SIK3: variants seen among roughly 807,000 people sequenced by gnomAD.
SIK3 encodes SIK family kinase 3.
SIK3 carries 28 observed loss-of-function variants against 144.2 expected under a neutral mutation model. The ratio of observed to expected loss-of-function variants is 0.19; its 90% CI spans 0.14 to 0.27. The LOEUF is 0.27. Among genes scored for constraint, SIK3 ranks in the 10% least tolerant of loss-of-function variants. SIK3 has a pLI of 1.00. For synonymous variants in SIK3, 686 were observed against 676.3 expected (o/e 1.01, Z -0.22); for missense variants, 1,319 against 1,776.0 (o/e 0.74, Z 4.62).
intron 1 of SIK3, among the ~76,000 whole-genome samples, chr11:117,048,656 CA>C (rs941461574): frequency 4.8e-5 from 7 of 147,046 alleles, no homozygotes; most frequent in African/African-American, 1.5e-4. Flanking sequence ...AACTCCGTCT[CA>C]AAAAAAAAAC....
At chr11:116,930,255 C>G (rs1290182551) in intron 3 of SIK3, among the ~76,000 whole-genome samples, 4 of 152,132 alleles carry the variant, frequency 2.6e-5, no homozygotes, top group Non-Finnish European at 4.4e-5. Context: ...TCTTATCCCC[C>G]CAACCCCTAC....
In SIK3 at chr11:116,844,151, C is replaced by T. The variant is rs558539235; in HGVS notation, c.*1492G>A. On this transcript the variant is annotated 3_prime_UTR_variant, in exon 25 of 25. Transcript: ENST00000445177. ...GATAACCCAGACCCTCTCTCAGCCCCAGCCAGCAGAGAAGACTTTGGTTTC... is the reference window on the plus strand; with the variant it reads ...GATAACCCAGACCCTCTCTCAGCCCTAGCCAGCAGAGAAGACTTTGGTTTC... 1 of 152,292 alleles carries T rather than the reference C, an allele frequency of 6.6e-6. No individual in the cohort carries two copies. The highest frequency in any genetic ancestry group is 2.1e-4 in the South Asian group (1 of 4,820). 9.4% of individuals were successfully genotyped at this position (152,292 alleles called of 1,614,324 possible). A position where few individuals can be genotyped will look rare whatever the true frequency, so the allele number is the denominator to read the frequency against.
At chr11:117,070,929 T>G (rs1018295247) in intron 1 of SIK3, among the ~76,000 whole-genome samples, 2 of 151,400 alleles carry the variant, frequency 1.3e-5, no homozygotes, top group Admixed American at 1.3e-4. Context: ...ACTTTTTGTC[T>G]TTTTAGTAGA....
intron 3 of SIK3, among the ~76,000 whole-genome samples, chr11:116,942,335 T>C (rs941006293): frequency 6.6e-6 from 1 of 152,228 alleles, no homozygotes; most frequent in Non-Finnish European, 1.5e-5. Context: ...TCACTTAGTA[T>C]TTTATTCAAC....
Position 116,927,457 on chromosome 11 carries a change from A to T in SIK3, c.455-77T>A. ...TCAAAAGGTAGACTTAAGGAGGGCT[A>T]CAAGGGGCCCTCTCGAGTGAGTTAA... On this transcript the variant is annotated intron_variant, in intron 3 of 24. Coordinates refer to ENST00000445177, the MANE Select transcript of SIK3 (RefSeq NM_001366686.3). 4.9e-6 allele frequency: 7 copies of T among 1,416,652 alleles called. No individual in the cohort carries two copies. In the South Asian group the frequency reaches 9.0e-5, roughly 18 times the overall value. 87.8% of individuals were successfully genotyped at this position (1,416,652 alleles called of 1,614,324 possible). A position where few individuals can be genotyped will look rare whatever the true frequency, so the allele number is the denominator to read the frequency against.
chr11:116,927,022 A>G (rs1565460506), intron 4 of SIK3, among the ~76,000 whole-genome samples, 197 bp downstream of exon 4: 2 of 151,262 alleles, frequency 1.3e-5, no homozygotes, highest in East Asian at 1.9e-4. Context: ...CAGTCTCGAA[A>G]AAAAAAAAAA....
chr11:117,005,601 C>A (rs979060327), intron 1 of SIK3, among the ~76,000 whole-genome samples: 31 of 152,056 alleles, frequency 2.0e-4, no homozygotes, highest in Admixed American at 1.8e-3. Flanking sequence ...TTTAATAACT[C>A]TGGAACTTCA....
chr11:116,890,798 A>G (rs549055719), intron 6 of SIK3, among the ~76,000 whole-genome samples: 2 of 152,282 alleles, frequency 1.3e-5, no homozygotes, highest in East Asian at 3.9e-4. Flanking sequence ...ATGCTCCAGA[A>G]AACAGAACTT....
intron 1 of SIK3, among the ~76,000 whole-genome samples, chr11:116,989,971 A>G (rs1431676526): frequency 6.6e-6 from 1 of 152,216 alleles, no homozygotes; most frequent in African/African-American, 2.4e-5. Context: ...CTTTTATTAT[A>G]TAGGATCCAA....
intron 1 of SIK3, among the ~76,000 whole-genome samples, chr11:116,975,647 T>C (rs982763412): frequency 1.6e-4 from 24 of 152,266 alleles, no homozygotes; most frequent in African/African-American, 5.3e-4. Flanking sequence ...TTTTTGGCTA[T>C]TATGAATAAT....
At chr11:116,942,233 C>A (rs940122211) in intron 3 of SIK3, among the ~76,000 whole-genome samples, 4 of 152,140 alleles carry the variant, frequency 2.6e-5, no homozygotes, top group African/African-American at 7.2e-5. Context: ...TTACTGAGTG[C>A]CTACTATATG....
chr11:116,969,801 T>C (rs1162912865), intron 1 of SIK3, among the ~76,000 whole-genome samples: 1 of 152,194 alleles, frequency 6.6e-6, no homozygotes, highest in African/African-American at 2.4e-5. Context: ...ACAAAACTTT[T>C]TAGAAGCCTA....
chr11:117,028,026 A>G (rs1952093889), intron 1 of SIK3, among the ~76,000 whole-genome samples: 1 of 152,190 alleles, frequency 6.6e-6, no homozygotes, highest in Non-Finnish European at 1.5e-5. Flanking sequence ...AACAATATTA[A>G]CTAAAATTTG....
At chr11:117,024,176 C>T (rs1010441883) in intron 1 of SIK3, among the ~76,000 whole-genome samples, 3 of 152,060 alleles carry the variant, frequency 2.0e-5, no homozygotes, top group Admixed American at 1.3e-4. Context: ...GGGTTGTGGG[C>T]AATCTCTCTG....
In SIK3 at chr11:116,964,842, G is replaced by A. The variant is rs372563947; in HGVS notation, c.274-7778C>T. On this transcript the variant is annotated intron_variant, in intron 1 of 24. Coordinates refer to ENST00000445177, the MANE Select transcript of SIK3 (RefSeq NM_001366686.3). The stretch of plus-strand genomic sequence containing the variant: ...GGTTGCAGTGAGCCGAGATGGCGCC[G>A]CTGCACTCCAGCCAGGGCAACAAGA... Among the ~76,000 whole-genome samples the A allele has an allele frequency of 2.6e-4, 39 of 150,694 alleles. No homozygotes were observed. The East Asian group carries it at 6.7e-3, about 26-fold the overall frequency.
intron 6 of SIK3, among the ~76,000 whole-genome samples, chr11:116,879,596 T>G (rs1944447137): frequency 6.6e-6 from 1 of 152,208 alleles, no homozygotes; most frequent in Admixed American, 6.5e-5. Context: ...ATTACTGTTG[T>G]GAAAAGAATA....
At chr11:117,068,779 A>T (rs1565612740) in intron 1 of SIK3, among the ~76,000 whole-genome samples, 1 of 152,248 alleles carries the variant, frequency 6.6e-6, no homozygotes, top group Non-Finnish European at 1.5e-5. Flanking sequence ...GGTTATTCCT[A>T]ACCCAAAATG....
chr11:117,087,353 G>C (rs1245923555), intron 1 of SIK3, among the ~76,000 whole-genome samples: 1 of 152,078 alleles, frequency 6.6e-6, no homozygotes, highest in African/African-American at 2.4e-5. Flanking sequence ...TGAGGCAAGA[G>C]AATCGCTTGA....
At chr11:117,050,151 T>A (rs1953166268) in intron 1 of SIK3, among the ~76,000 whole-genome samples, 1 of 151,724 alleles carries the variant, frequency 6.6e-6, no homozygotes, top group African/African-American at 2.4e-5. Flanking sequence ...AAGCCGGGCA[T>A]GGTAGCAGGC....
Sources: gnomAD v4.1 joint callset for allele counts (sites outside exome capture counted in the v4.1 genomes callset) on GRCh38, gnomAD v4.1.1 for gene constraint, MANE v1.5 for transcripts, NCBI Gene and HGNC (gene_info 2026-07-23, HGNC 2026-07-21) for gene names.